The following PALS1 variants were observed in gnomAD, a reference collection of about 807,000 sequenced individuals.
The protein encoded by PALS1 is protein PALS1.
In PALS1, 31 loss-of-function variants were observed where a neutral mutation model predicts 78.9. That is an observed-to-expected ratio of 0.39 (90% CI 0.30 to 0.53). PALS1 has a LOEUF of 0.53. Ranked by LOEUF, PALS1 falls within the 20% of genes least tolerant of loss-of-function variation. PALS1 has a pLI of 0.67. For synonymous variants in PALS1, 276 were observed against 270.9 expected, an observed-to-expected ratio of 1.02 and a Z score of -0.18; for missense variants, 704 against 826.5, an observed-to-expected ratio of 0.85 and a Z score of 1.82.
At chr14:67,310,635 A>G (rs545479877) in intron 8 of PALS1, among the ~76,000 whole-genome samples, 1 of 152,314 alleles carries the variant, frequency 6.6e-6, no homozygotes, top group South Asian at 2.1e-4. Flanking sequence ...AGGCATAATA[A>G]CATTTAAGTT....
intron 8 of PALS1, among the ~76,000 whole-genome samples, chr14:67,304,941 G>C (rs1056001916): frequency 1.2e-4 from 19 of 152,150 alleles, no homozygotes; most frequent in Admixed American, 3.3e-4. Context: ...TCACAGGTAT[G>C]CTTTATAGTT....
chr14:67,276,130 TG>T (rs1481084603), intron 2 of PALS1, among the ~76,000 whole-genome samples: 1 of 152,210 alleles, frequency 6.6e-6, no homozygotes, highest in Non-Finnish European at 1.5e-5. Context: ...GAGTGATATT[TG>T]TATAAAAATG....
At chr14:67,253,773 C>T (rs1388188245) in intron 1 of PALS1, among the ~76,000 whole-genome samples, 2 of 151,160 alleles carry the variant, frequency 1.3e-5, no homozygotes. Context: ...CCCAGAAAGT[C>T]AAGGCTGTGG....
intron 2 of PALS1, 153 bp downstream of exon 2, chr14:67,269,936 T>C (rs1446552293): frequency 6.6e-6 from 1 of 152,260 alleles, no homozygotes; most frequent in African/African-American, 2.4e-5. Flanking sequence ...CATTACTTGC[T>C]GGAGAAAGAG....
chr14:67,301,852 T>G, intron 5 of PALS1, 120 bp from the exon 6 acceptor site: 1 of 1,111,796 alleles, frequency 9.0e-7, no homozygotes, highest in Middle Eastern at 2.1e-4. Context: ...TTATTAGCTC[T>G]AATTAATTAT....
At position 67,325,979 on chromosome 14, in the gene PALS1, C is replaced by CTTTT. The variant is rs61592505; in HGVS notation, c.1851+2183_1851+2186dup. On this transcript the variant is annotated intron_variant, in intron 14 of 14. Transcript: ENST00000261681. ...ACCTGCCACCACACCCGGCTCTTTT[C>CTTTT]TTTTTTTTTTTTTTTTTTTGTATTT... 1.2e-3 allele frequency among the ~76,000 whole-genome samples: 130 copies of CTTTT among 110,198 alleles called. 1 individual carries two copies. Among genetic ancestry groups the CTTTT allele is most frequent in the African/African-American group, 4.2e-3 (107 of 25,662 alleles). The allele number at this position is 110,198 out of a possible 152,430, so 72.3% of individuals were successfully genotyped here.
intron 1 of PALS1, among the ~76,000 whole-genome samples, chr14:67,252,397 C>G (rs1168498219): frequency 6.6e-6 from 1 of 152,098 alleles, no homozygotes; most frequent in Non-Finnish European, 1.5e-5. Context: ...TCCAGCAGTC[C>G]TCCAGCCTTG....
intron 9 of PALS1, among the ~76,000 whole-genome samples, chr14:67,313,304 A>G (rs144718561): frequency 6.6e-6 from 1 of 152,330 alleles, no homozygotes; most frequent in African/African-American, 2.4e-5. Flanking sequence ...AACGACAGGG[A>G]TAAGTTCTGA....
At chr14:67,295,109 G>C (rs1274420081) in intron 4 of PALS1, 6 of 142,106 alleles carry the variant, frequency 4.2e-5, no homozygotes, top group African/African-American at 8.3e-5. Flanking sequence ...ATTGAAGTGT[G>C]TGTGTGTGTG....
intron 1 of PALS1, among the ~76,000 whole-genome samples, chr14:67,263,036 C>G (rs1000114470): frequency 6.6e-6 from 1 of 152,104 alleles, no homozygotes; most frequent in Non-Finnish European, 1.5e-5. Context: ...TAGAGCAGTT[C>G]AAGTAACCAA....
chr14:67,318,978 A>C (rs2085220293), intron 11 of PALS1, among the ~76,000 whole-genome samples: 1 of 152,110 alleles, frequency 6.6e-6, no homozygotes, highest in African/African-American at 2.4e-5. Context: ...GAATGGCGTG[A>C]ACCCGGGAGG....
At chr14:67,320,547 A>G (rs1354663236) in intron 12 of PALS1, 150 bp downstream of exon 12, 2 of 716,700 alleles carry the variant, frequency 2.8e-6, no homozygotes, top group Non-Finnish European at 4.2e-6. Flanking sequence ...GACAATTTTT[A>G]AATTAAAAAT....
chr14:67,327,429 G>A lies in PALS1; in HGVS notation c.1851+3617G>A, dbSNP rs147781250. ...AGCATTTTCAGAGGCCAAGGAGGAC[G>A]GATCACTTTTTTTTTTTCCGGGGTG... On this transcript the variant is annotated intron_variant, in intron 14 of 14. Transcript: ENST00000261681. Among the ~76,000 whole-genome samples the A allele has an allele frequency of 4.8e-3, 725 of 151,908 alleles. 11 individuals carry two copies. Among genetic ancestry groups the A allele is most frequent in the African/African-American group, 0.017 (696 of 41,440 alleles).
At chr14:67,285,430 GAT>G (rs2084671591) in intron 3 of PALS1, among the ~76,000 whole-genome samples, 1 of 149,712 alleles carries the variant, frequency 6.7e-6, no homozygotes, top group South Asian at 2.1e-4. Flanking sequence ...GCAGTGGCGC[GAT>G]CTCGGCTCAC....
At chr14:67,272,095 T>A (rs999000954) in intron 2 of PALS1, 1 of 151,840 alleles carries the variant, frequency 6.6e-6, no homozygotes, top group African/African-American at 2.4e-5. Flanking sequence ...CCTGTCTTAA[T>A]AACCATAGTA....
Position 67,285,223 on chromosome 14 carries a change from A to G in PALS1, c.367+5686A>G, listed in dbSNP as rs114641111. On this transcript the variant is annotated intron_variant, in intron 3 of 14. Coordinates refer to ENST00000261681, the MANE Select transcript of PALS1 (RefSeq NM_022474.4). ...TTGAAATTTCTGAGGACAGGTTAAA[A>G]GAGTTGGAATTATTTACACAATGAA... 5.0e-3 allele frequency among the ~76,000 whole-genome samples: 760 copies of G among 152,336 alleles called. 4 individuals carry two copies. The highest frequency in any genetic ancestry group is 0.017 in the African/African-American group (711 of 41,582).
chr14:67,317,480 G>GT lies in PALS1; in HGVS notation c.1369+2dup. ...TTATATAATGCCAATAAAAATGATG[G>GT]TAAGTTCTACTCTCAGGGATAGGTG... On this transcript the variant is annotated splice_donor_variant, in intron 11 of 14. Transcript: ENST00000261681. LOFTEE classifies it high-confidence loss of function. 6.3e-7 allele frequency: 1 copy of GT among 1,597,700 alleles called. No individual in the cohort carries two copies. The highest frequency in any genetic ancestry group is 8.6e-7 in the Non-Finnish European group (1 of 1,166,408).
intron 4 of PALS1, among the ~76,000 whole-genome samples, chr14:67,299,898 T>A (rs958252130): frequency 2.0e-5 from 3 of 152,192 alleles, no homozygotes; most frequent in Non-Finnish European, 4.4e-5. Context: ...ATCCTCAGAG[T>A]TTCTTCAGCT....
At chr14:67,329,855 T>TA (rs1057340677) in intron 14 of PALS1, among the ~76,000 whole-genome samples, 8 of 149,630 alleles carry the variant, frequency 5.3e-5, no homozygotes, top group Admixed American at 3.3e-4. Flanking sequence ...AATAAATAAA[T>TA]AAATAAATAA....
Sources: allele counts gnomAD v4.1 joint callset (sites outside exome capture counted in the v4.1 genomes callset), GRCh38; gene constraint gnomAD v4.1.1; transcripts MANE v1.5; gene names NCBI Gene and HGNC (gene_info 2026-07-23, HGNC 2026-07-21).